Variants in PID1 observed in about 807,000 individuals in gnomAD.
PID1 encodes the protein PTB-containing, cubilin and LRP1-interacting protein.
A neutral mutation model predicts 19.1 loss-of-function variants in PID1; 10 were observed. The ratio of observed to expected loss-of-function variants is 0.52; its 90% confidence interval spans 0.32 to 0.89. The LOEUF is 0.89. Ranked by LOEUF, PID1 falls within the 40% of genes least tolerant of loss-of-function variation. The probability of loss-of-function intolerance (pLI) is 0.03; values close to 1 mark genes in which losing one functional copy is unlikely to be tolerated. For missense variants in PID1, 248 were observed against 285.3 expected (o/e 0.87, Z 0.94); for synonymous variants, 130 against 116.0 (o/e 1.12, Z -0.78).
At chr2:229,054,711 TGTGTGTGTGG>T (rs1452853223) in intron 2 of PID1, among the ~76,000 whole-genome samples, 9 of 19,170 alleles carry the variant, frequency 4.7e-4, no homozygotes, top group African/African-American at 8.8e-4. Context: ...GCAGTGTGTG[TGTGTGTGTGG>T]GGGGGGGGGG....
At chr2:229,228,738 T>TC (rs1692138030) in intron 1 of PID1, among the ~76,000 whole-genome samples, 1 of 151,918 alleles carries the variant, frequency 6.6e-6, no homozygotes, top group Non-Finnish European at 1.5e-5. Flanking sequence ...CAAAAAGGTA[T>TC]CTGCTAAAAC....
At chr2:229,198,972 A>T (rs1458414968) in intron 1 of PID1, among the ~76,000 whole-genome samples, 1 of 152,042 alleles carries the variant, frequency 6.6e-6, no homozygotes, top group Admixed American at 6.6e-5. Flanking sequence ...CACTCATGGG[A>T]TAATATCCCA....
At chr2:229,093,557 G>T (rs1460667110) in intron 2 of PID1, among the ~76,000 whole-genome samples, 1 of 152,328 alleles carries the variant, frequency 6.6e-6, no homozygotes, top group South Asian at 2.1e-4. Context: ...CTGGGAGTCT[G>T]CAGATCTTGG....
intron 2 of PID1, among the ~76,000 whole-genome samples, chr2:229,050,690 G>T (rs560503629): frequency 2.0e-4 from 30 of 152,182 alleles, no homozygotes; most frequent in African/African-American, 6.5e-4. Flanking sequence ...TACTTGTCCT[G>T]CCATTAGCCA....
chr2:229,231,742 T>C (rs1692213411), intron 1 of PID1, among the ~76,000 whole-genome samples: 1 of 152,154 alleles, frequency 6.6e-6, no homozygotes, highest in African/African-American at 2.4e-5. Flanking sequence ...TCTCCCATAA[T>C]CAGGTTTCTG....
At chr2:229,045,797 G>A (rs1693863236) in intron 2 of PID1, among the ~76,000 whole-genome samples, 1 of 152,108 alleles carries the variant, frequency 6.6e-6, no homozygotes, top group Non-Finnish European at 1.5e-5. Context: ...ACACTGTCAC[G>A]GAGCATGCCC....
intron 2 of PID1, among the ~76,000 whole-genome samples, chr2:229,069,108 C>A (rs944813285): frequency 2.7e-5 from 4 of 149,664 alleles, no homozygotes; most frequent in African/African-American, 9.9e-5. Flanking sequence ...TAATAACAAT[C>A]AAAATTTCTT....
At chr2:229,071,413 C>G (rs1694448814) in intron 2 of PID1, among the ~76,000 whole-genome samples, 1 of 152,234 alleles carries the variant, frequency 6.6e-6, no homozygotes, top group South Asian at 2.1e-4. Flanking sequence ...TGAATATTCT[C>G]TGAGCACATG....
At chr2:229,131,365 G>A (rs561102516) in intron 2 of PID1, among the ~76,000 whole-genome samples, 2 of 151,872 alleles carry the variant, frequency 1.3e-5, no homozygotes, top group Admixed American at 1.3e-4. Context: ...CAAGTAGCTG[G>A]GACTACAGGC....
intron 2 of PID1, among the ~76,000 whole-genome samples, chr2:229,130,173 C>G (rs1253589328): frequency 6.6e-6 from 1 of 152,202 alleles, no homozygotes; most frequent in African/African-American, 2.4e-5. Flanking sequence ...TGAATCACAA[C>G]TTTGACTAAC....
At chr2:229,099,282 A>G (rs1243393789) in intron 2 of PID1, among the ~76,000 whole-genome samples, 1 of 152,214 alleles carries the variant, frequency 6.6e-6, no homozygotes, top group Non-Finnish European at 1.5e-5. Context: ...GAAAGTAAAA[A>G]TAATACAACA....
intron 1 of PID1, among the ~76,000 whole-genome samples, chr2:229,268,294 A>G (rs1690646564): frequency 6.6e-6 from 1 of 152,106 alleles, no homozygotes; most frequent in Non-Finnish European, 1.5e-5. Context: ...TGATAATCAA[A>G]CCTGATCAAA....
At chr2:229,157,714 G>A (rs1690405398) in intron 1 of PID1, among the ~76,000 whole-genome samples, 1 of 152,156 alleles carries the variant, frequency 6.6e-6, no homozygotes, top group African/African-American at 2.4e-5. Flanking sequence ...GCTATGCATT[G>A]GAACCAGAAC....
At chr2:229,148,332 G>T (rs1690178172) in intron 2 of PID1, among the ~76,000 whole-genome samples, 1 of 152,144 alleles carries the variant, frequency 6.6e-6, no homozygotes, top group Non-Finnish European at 1.5e-5. Flanking sequence ...GTAGCATAAG[G>T]AGTGTGTATT....
intron 2 of PID1, among the ~76,000 whole-genome samples, chr2:229,124,625 T>A: frequency 6.6e-6 from 1 of 152,182 alleles, no homozygotes; most frequent in East Asian, 1.9e-4. Context: ...AGTAACAATG[T>A]TTCACATCCT....
intron 1 of PID1, among the ~76,000 whole-genome samples, chr2:229,222,632 A>G (rs962656561): frequency 5.3e-5 from 8 of 152,136 alleles, no homozygotes; most frequent in Admixed American, 4.6e-4. Flanking sequence ...TGTCCTCCCC[A>G]GGGTACACAA....
rs533750317 is a variant in PID1, at chr2:229,167,931, GAACT to G, written c.31-11971_31-11968del. 2.5e-3 allele frequency among the ~76,000 whole-genome samples: 379 copies of G among 152,140 alleles called. 1 individual carries two copies. Among genetic ancestry groups the G allele is most frequent in the African/African-American group, 8.9e-3 (370 of 41,522 alleles). ...GTACATTTTCAAATAATACTTTTTA[GAACT>G]AACTTTAGATTTAACTTGTGTTCAT... On this transcript the variant is annotated intron_variant, in intron 1 of 2. Coordinates refer to ENST00000392055, the MANE Select transcript of PID1 (RefSeq NM_001100818.2).
intron 1 of PID1, among the ~76,000 whole-genome samples, chr2:229,172,599 C>T (rs1429882847): frequency 6.6e-6 from 1 of 152,180 alleles, no homozygotes; most frequent in Non-Finnish European, 1.5e-5. Flanking sequence ...GGACAGCAGT[C>T]ATATTGATTA....
At chr2:229,244,254 T>C (rs1232901179) in intron 1 of PID1, among the ~76,000 whole-genome samples, 1 of 152,138 alleles carries the variant, frequency 6.6e-6, no homozygotes, top group African/African-American at 2.4e-5. Context: ...AAGAACCCCA[T>C]ACCCAGTAGC....
Sources: allele counts gnomAD v4.1 joint callset (sites outside exome capture counted in the v4.1 genomes callset), GRCh38; gene constraint gnomAD v4.1.1; transcripts MANE v1.5; gene names NCBI Gene and HGNC (gene_info 2026-07-23, HGNC 2026-07-21).